RANBP2: variants seen among roughly 807,000 people sequenced by gnomAD.
RANBP2 encodes the protein E3 SUMO-protein ligase RanBP2.
Under a neutral mutation model 303.6 loss-of-function variants are expected in RANBP2, and 57 were observed. The observed-to-expected ratio is 0.19, with a 90% CI of 0.15 to 0.23. The LOEUF (loss-of-function observed/expected upper bound fraction) is 0.23, where lower values mean the gene tolerates loss of function less well. Among genes scored for constraint, RANBP2 ranks in the 10% least tolerant of loss-of-function variants. The probability of loss-of-function intolerance (pLI) is 1.00; values close to 1 mark genes in which losing one functional copy is unlikely to be tolerated. For missense variants in RANBP2, 3,138 were observed against 3,780.8 expected (o/e 0.83, Z 4.46); for synonymous variants, 1,167 against 1,301.5 (o/e 0.90, Z 2.23).
the RANBP2 span, among the ~76,000 whole-genome samples, chr2:109,619,349 T>C: frequency 6.6e-6 from 1 of 151,892 alleles, no homozygotes; most frequent in Non-Finnish European, 1.5e-5. Flanking sequence ...AAAAAAGCTG[T>C]ATGGGTTTTG....
chr2:108,752,099 A>T (rs1484874738), intron 12 of RANBP2, 105 bp downstream of exon 12: 1 of 1,579,176 alleles, frequency 6.3e-7, no homozygotes, highest in East Asian at 2.2e-5. Flanking sequence ...CAGCTTGGTC[A>T]CATTATGACA....
the RANBP2 span, among the ~76,000 whole-genome samples, chr2:109,715,475 C>T: frequency 1.3e-5 from 2 of 151,994 alleles, no homozygotes; most frequent in South Asian, 2.1e-4. Context: ...TTGTAAAGGA[C>T]GTTACAAAGG....
chr2:108,910,898 G>A, the RANBP2 span: 35 of 1,613,980 alleles, frequency 2.2e-5, no homozygotes, highest in Middle Eastern at 1.5e-3. Context: ...GACAGGGGGA[G>A]TTGACGGAGA....
chr2:108,975,288 C>T, the RANBP2 span, among the ~76,000 whole-genome samples: 2 of 152,326 alleles, frequency 1.3e-5, 1 homozygote, highest in South Asian at 4.1e-4. Flanking sequence ...CCCTGCCGGC[C>T]ACCATGCTCC....
chr2:108,886,812 A>G, the RANBP2 span, among the ~76,000 whole-genome samples: 1 of 152,170 alleles, frequency 6.6e-6, no homozygotes, highest in South Asian at 2.1e-4. Flanking sequence ...TTGGATGAAT[A>G]GTTTGCAGAT....
chr2:109,203,303 A>G, the RANBP2 span, among the ~76,000 whole-genome samples: 1 of 152,198 alleles, frequency 6.6e-6, no homozygotes, highest in African/African-American at 2.4e-5. Context: ...TGGCTCTCTC[A>G]GGTGGACGCA....
the RANBP2 span, among the ~76,000 whole-genome samples, chr2:109,177,305 T>C: frequency 6.6e-6 from 1 of 152,170 alleles, no homozygotes; most frequent in Non-Finnish European, 1.5e-5. Context: ...CAATGCATGG[T>C]GATTTTCTTT....
At chr2:109,252,806 C>A in the RANBP2 span, among the ~76,000 whole-genome samples, 1 of 152,170 alleles carries the variant, frequency 6.6e-6, no homozygotes, top group African/African-American at 2.4e-5. Flanking sequence ...ATATCTGTGT[C>A]ATTTACCTAA....
At chr2:109,716,544 C>G in the RANBP2 span, among the ~76,000 whole-genome samples, 34 of 151,526 alleles carry the variant, frequency 2.2e-4, no homozygotes, top group Non-Finnish European at 1.5e-5. Context: ...GCCACCGCAC[C>G]CAGCCTTATT....
At chr2:109,340,160 CAGGTTGGG>C in the RANBP2 span, among the ~76,000 whole-genome samples, 1 of 152,158 alleles carries the variant, frequency 6.6e-6, no homozygotes, top group South Asian at 2.1e-4. Context: ...TGGCAGTGCA[CAGGTTGGG>C]AGGTCAGACC....
chr2:109,281,880 C>T, the RANBP2 span, among the ~76,000 whole-genome samples: 1 of 152,154 alleles, frequency 6.6e-6, no homozygotes, highest in Non-Finnish European at 1.5e-5. Context: ...ACGGTTCCCA[C>T]TGAGAGGGAG....
chr2:109,657,809 T>C, the RANBP2 span, among the ~76,000 whole-genome samples: 1 of 141,348 alleles, frequency 7.1e-6, no homozygotes, highest in Non-Finnish European at 1.5e-5. Context: ...AACCTCCTCC[T>C]CCTGGGCTCA....
chr2:109,183,963 C>T, the RANBP2 span, among the ~76,000 whole-genome samples: 2 of 152,190 alleles, frequency 1.3e-5, no homozygotes, highest in Non-Finnish European at 2.9e-5. Context: ...TCCTCAGAGC[C>T]TCAGTTATTC....
At chr2:109,185,650 C>CT in the RANBP2 span, among the ~76,000 whole-genome samples, 1 of 152,088 alleles carries the variant, frequency 6.6e-6, no homozygotes, top group Non-Finnish European at 1.5e-5. Flanking sequence ...AGCCCTCAGA[C>CT]ACTCCTGGTT....
the RANBP2 span, chr2:108,812,648 A>G: frequency 6.2e-7 from 1 of 1,612,670 alleles, no homozygotes; most frequent in African/African-American, 1.3e-5. Context: ...AAGCAAGTGA[A>G]GAAAACAGGA....
chr2:109,347,813 G>C, the RANBP2 span: 2 of 1,613,830 alleles, frequency 1.2e-6, no homozygotes, highest in Non-Finnish European at 1.7e-6. Context: ...GAGCTGCACG[G>C]CACACAGGGC....
chr2:109,154,544 C>T, the RANBP2 span, among the ~76,000 whole-genome samples: 1 of 152,180 alleles, frequency 6.6e-6, no homozygotes, highest in Admixed American at 6.5e-5. Flanking sequence ...ACCAAGGCTC[C>T]CTAAGTTTGA....
the RANBP2 span, among the ~76,000 whole-genome samples, chr2:108,979,171 C>A: frequency 5.9e-5 from 9 of 152,294 alleles, no homozygotes; most frequent in South Asian, 1.9e-3. Context: ...CATCCACTGC[C>A]CGAGTACTTG....
the RANBP2 span, among the ~76,000 whole-genome samples, chr2:109,344,222 G>A: frequency 1.3e-5 from 2 of 152,212 alleles, no homozygotes; most frequent in African/African-American, 4.8e-5. Flanking sequence ...CCTTAGTGGC[G>A]TAGAAGCTAA....
Sources: allele counts gnomAD v4.1 joint callset (sites outside exome capture counted in the v4.1 genomes callset), GRCh38; gene constraint gnomAD v4.1.1; transcripts MANE v1.5; gene names NCBI Gene and HGNC (gene_info 2026-07-23, HGNC 2026-07-21).